NPAS3: variants seen among roughly 807,000 people sequenced by gnomAD.
NPAS3 encodes neuronal PAS domain-containing protein 3.
NPAS3 carries 14 observed loss-of-function variants against 73.1 expected under a neutral mutation model. The observed-to-expected ratio is 0.19, with a 90% CI of 0.13 to 0.30. The LOEUF (loss-of-function observed/expected upper bound fraction) is 0.30, where lower values mean the gene tolerates loss of function less well. NPAS3 is among the 10% of genes least tolerant of loss of function. The pLI, the probability that NPAS3 is intolerant of heterozygous loss-of-function variation, is 1.00. For missense variants in NPAS3, 1,096 were observed against 1,250.0 expected (o/e 0.88, Z 1.86); for synonymous variants, 620 against 541.5 (o/e 1.14, Z -2.01).
chr14:33,539,593 A>G (rs2054415261), intron 4 of NPAS3, among the ~76,000 whole-genome samples: 2 of 152,156 alleles, frequency 1.3e-5, no homozygotes. Context: ...CTAGAAAAAG[A>G]AAAGACTCTC....
intron 2 of NPAS3, among the ~76,000 whole-genome samples, chr14:33,065,334 A>G (rs572783395): frequency 6.6e-6 from 1 of 152,182 alleles, no homozygotes; most frequent in Non-Finnish European, 1.5e-5. Context: ...TTAAACGATT[A>G]GATGGAGTTT....
chr14:32,986,246 T>C (rs1483199737), intron 1 of NPAS3, among the ~76,000 whole-genome samples: 1 of 152,226 alleles, frequency 6.6e-6, no homozygotes, highest in East Asian at 1.9e-4. Context: ...GTTCACACTT[T>C]AGCTTGTGTT....
chr14:33,631,874 C>T (rs529095755), intron 5 of NPAS3, among the ~76,000 whole-genome samples: 3 of 152,240 alleles, frequency 2.0e-5, no homozygotes, highest in Non-Finnish European at 2.9e-5. Flanking sequence ...GATACATTTG[C>T]GTTTGGGCAG....
intron 3 of NPAS3, among the ~76,000 whole-genome samples, chr14:33,339,457 A>T (rs2044372355): frequency 6.6e-6 from 1 of 152,354 alleles, no homozygotes; most frequent in Admixed American, 6.5e-5. Context: ...TGTTCAAAAA[A>T]GATGAAAGCT....
At chr14:33,250,308 T>C (rs1373934072) in intron 3 of NPAS3, among the ~76,000 whole-genome samples, 1 of 151,926 alleles carries the variant, frequency 6.6e-6, no homozygotes, top group Non-Finnish European at 1.5e-5. Flanking sequence ...TCTTCAAGAT[T>C]GAGCCTACAC....
At chr14:33,474,783 G>A (rs1326481270) in intron 4 of NPAS3, among the ~76,000 whole-genome samples, 1 of 152,080 alleles carries the variant, frequency 6.6e-6, no homozygotes, top group Non-Finnish European at 1.5e-5. Flanking sequence ...TTTTTGGTTT[G>A]GGTAACTGTG....
intron 6 of NPAS3, 93 bp downstream of exon 6, chr14:33,676,478 G>T: frequency 9.6e-7 from 1 of 1,037,492 alleles, no homozygotes. Flanking sequence ...CTATAAATAG[G>T]TCTAAGGGTA....
chr14:33,743,088 C>G (rs1236125659), intron 7 of NPAS3, among the ~76,000 whole-genome samples: 1 of 151,718 alleles, frequency 6.6e-6, no homozygotes, highest in Admixed American at 6.6e-5. Flanking sequence ...AACTCCTGTT[C>G]ATGTGACCTC....
At chr14:33,069,178 G>A (rs147845329) in intron 2 of NPAS3, among the ~76,000 whole-genome samples, 2,202 of 152,254 alleles carry the variant, frequency 0.014, 33 homozygotes, top group South Asian at 0.029. Context: ...GAGAGAAGTC[G>A]ATATTGAATC....
intron 1 of NPAS3, among the ~76,000 whole-genome samples, chr14:33,048,366 C>T (rs538463504): frequency 6.6e-6 from 1 of 152,230 alleles, no homozygotes; most frequent in Non-Finnish European, 1.5e-5. Context: ...CCACTTACTA[C>T]GGTGTAGCCC....
At chr14:33,572,606 AT>A (rs1232494998) in intron 5 of NPAS3, among the ~76,000 whole-genome samples, 2 of 152,174 alleles carry the variant, frequency 1.3e-5, no homozygotes, top group Non-Finnish European at 2.9e-5. Context: ...CAAAGCACTC[AT>A]TGTTAACCAG....
intron 5 of NPAS3, among the ~76,000 whole-genome samples, chr14:33,581,103 T>C (rs1260487834): frequency 2.0e-5 from 3 of 152,176 alleles, no homozygotes; most frequent in Non-Finnish European, 2.9e-5. Flanking sequence ...TGTTTAAAAT[T>C]GGTAGGAAAA....
At chr14:33,132,246 G>A (rs775401105) in intron 2 of NPAS3, among the ~76,000 whole-genome samples, 15 of 152,112 alleles carry the variant, frequency 9.9e-5, no homozygotes, top group Non-Finnish European at 2.2e-4. Context: ...CTAGTTTAAT[G>A]TGGGCAATAA....
chr14:33,024,362 G>T (rs1016944068), intron 1 of NPAS3, among the ~76,000 whole-genome samples: 33 of 151,890 alleles, frequency 2.2e-4, no homozygotes, highest in Non-Finnish European at 4.0e-4. Context: ...AGTAGAGAAG[G>T]GGTTTTTCCA....
intron 5 of NPAS3, among the ~76,000 whole-genome samples, chr14:33,569,431 A>G (rs548297533): frequency 7.2e-5 from 11 of 152,206 alleles, no homozygotes; most frequent in African/African-American, 2.6e-4. Flanking sequence ...TGAACCTAGG[A>G]AGTATGTCAG....
intron 2 of NPAS3, among the ~76,000 whole-genome samples, chr14:33,157,453 G>T (rs999378878): frequency 1.3e-5 from 2 of 152,190 alleles, no homozygotes; most frequent in Non-Finnish European, 2.9e-5. Context: ...TTTTTACATT[G>T]CAGGAATGTT....
chr14:33,270,898 C>T (rs2041044816), intron 3 of NPAS3, among the ~76,000 whole-genome samples: 1 of 152,160 alleles, frequency 6.6e-6, no homozygotes, highest in African/African-American at 2.4e-5. Context: ...ATACCAAATA[C>T]CCTCTAAGTA....
intron 1 of NPAS3, among the ~76,000 whole-genome samples, chr14:33,009,552 G>A (rs2039118478): frequency 6.6e-6 from 1 of 152,146 alleles, no homozygotes; most frequent in African/African-American, 2.4e-5. Context: ...CATTAACACT[G>A]GTGCTGGTGT....
intron 5 of NPAS3, among the ~76,000 whole-genome samples, chr14:33,591,978 T>C (rs988102887): frequency 6.6e-6 from 1 of 152,214 alleles, no homozygotes; most frequent in African/African-American, 2.4e-5. Flanking sequence ...TTGTTTTATC[T>C]TCACAACATT....
Sources: gnomAD v4.1 joint callset for allele counts (sites outside exome capture counted in the v4.1 genomes callset) on GRCh38, gnomAD v4.1.1 for gene constraint, MANE v1.5 for transcripts, NCBI Gene and HGNC (gene_info 2026-07-23, HGNC 2026-07-21) for gene names.